Variants in SYNDIG1 observed in about 807,000 individuals in gnomAD.
SYNDIG1 encodes synapse differentiation inducing 1.
SYNDIG1 carries 9 observed loss-of-function variants against 19.4 expected under a neutral mutation model. The observed-to-expected ratio is 0.46, with a 90% CI of 0.28 to 0.81. The LOEUF (loss-of-function observed/expected upper bound fraction) is 0.81, where lower values mean the gene tolerates loss of function less well. Among genes scored for constraint, SYNDIG1 ranks in the 30% least tolerant of loss-of-function variants. The pLI, the probability that SYNDIG1 is intolerant of heterozygous loss-of-function variation, is 0.12. For missense variants in SYNDIG1, 311 were observed against 343.3 expected (o/e 0.91, Z 0.74); for synonymous variants, 141 against 145.9 (o/e 0.97, Z 0.24).
At position 24,568,052 on chromosome 20, in the gene SYNDIG1, A is replaced by G. The variant is rs949296320; in HGVS notation, c.481-16804A>G. Among the ~76,000 whole-genome samples the G allele has an allele frequency of 2.0e-5, 3 of 152,266 alleles. No individual in the cohort carries two copies. In the South Asian group the frequency reaches 6.2e-4, roughly 32 times the overall value. ...GCTACTTGGGAGGCTGAGGCAGGAG[A>G]ATCGCTTGAATCCGGGAGGCAGAGG... On this transcript the variant is annotated intron_variant, in intron 2 of 3. Coordinates refer to ENST00000376862, the MANE Select transcript of SYNDIG1 (RefSeq NM_024893.3).
intron 1 of SYNDIG1, among the ~76,000 whole-genome samples, chr20:24,541,074 A>C (rs2057458609): frequency 6.6e-6 from 1 of 152,188 alleles, no homozygotes; most frequent in Non-Finnish European, 1.5e-5. Context: ...AGACAGAAAA[A>C]ATCAGAGCTG....
intron 1 of SYNDIG1, among the ~76,000 whole-genome samples, chr20:24,509,761 G>C (rs927193946): frequency 1.3e-5 from 2 of 152,290 alleles, no homozygotes; most frequent in South Asian, 4.1e-4. Context: ...TCTCACAAAT[G>C]CTGAAATTAT....
intron 2 of SYNDIG1, among the ~76,000 whole-genome samples, chr20:24,566,762 T>C (rs1283864763): frequency 1.3e-5 from 2 of 152,166 alleles, no homozygotes; most frequent in East Asian, 3.9e-4. Context: ...CTCTCCCAAG[T>C]CCGTCAGGCT....
At chr20:24,554,378 G>A (rs2057768191) in intron 2 of SYNDIG1, among the ~76,000 whole-genome samples, 1 of 152,192 alleles carries the variant, frequency 6.6e-6, no homozygotes, top group South Asian at 2.1e-4. Flanking sequence ...TCACTGTCTT[G>A]TGCCAGTTTT....
chr20:24,512,906 C>T (rs779003664), intron 1 of SYNDIG1, among the ~76,000 whole-genome samples: 5 of 152,228 alleles, frequency 3.3e-5, no homozygotes, highest in East Asian at 1.9e-4. Flanking sequence ...CTCACATGGC[C>T]GGGTACCCCT....
chr20:24,589,202 C>T (rs138805862), intron 3 of SYNDIG1, among the ~76,000 whole-genome samples: 2 of 152,256 alleles, frequency 1.3e-5, no homozygotes, highest in African/African-American at 4.8e-5. Context: ...AGTTAATGCA[C>T]ACACTTTATC....
chr20:24,619,024 A>G (rs2058996048), intron 3 of SYNDIG1, among the ~76,000 whole-genome samples: 1 of 152,178 alleles, frequency 6.6e-6, no homozygotes, highest in Admixed American at 6.5e-5. Flanking sequence ...CTGCTCTTAT[A>G]TGAGAAGACT....
At chr20:24,616,609 T>C (rs1243266230) in intron 3 of SYNDIG1, among the ~76,000 whole-genome samples, 1 of 152,118 alleles carries the variant, frequency 6.6e-6, no homozygotes, top group Non-Finnish European at 1.5e-5. Context: ...CAGCAGCAGC[T>C]CCCAGGAGAA....
chr20:24,623,740 G>A (rs1348523248), intron 3 of SYNDIG1, among the ~76,000 whole-genome samples: 6 of 151,960 alleles, frequency 3.9e-5, no homozygotes, highest in Admixed American at 2.0e-4. Flanking sequence ...ATGAACCCTG[G>A]GCACTAAACT....
intron 3 of SYNDIG1, among the ~76,000 whole-genome samples, chr20:24,636,335 G>C (rs887428627): frequency 6.6e-6 from 1 of 152,210 alleles, no homozygotes; most frequent in African/African-American, 2.4e-5. Flanking sequence ...GTGTATTTAA[G>C]AGTGGAGGTT....
At chr20:24,563,375 A>T (rs1476055525) in intron 2 of SYNDIG1, among the ~76,000 whole-genome samples, 1 of 152,168 alleles carries the variant, frequency 6.6e-6, no homozygotes, top group Non-Finnish European at 1.5e-5. Flanking sequence ...GATTTGTCTT[A>T]TCTGAGTTCC....
intron 2 of SYNDIG1, among the ~76,000 whole-genome samples, chr20:24,582,809 C>T (rs1192320579): frequency 5.9e-5 from 9 of 152,236 alleles, no homozygotes; most frequent in Non-Finnish European, 7.3e-5. Context: ...ACAGAGGCTT[C>T]GCAGCCCCAG....
At chr20:24,557,428 T>G (rs1361778967) in intron 2 of SYNDIG1, among the ~76,000 whole-genome samples, 1 of 152,110 alleles carries the variant, frequency 6.6e-6, no homozygotes, top group Non-Finnish European at 1.5e-5. Context: ...TTTCCCATCT[T>G]TGTGGTTTTA....
chr20:24,655,874 A>C (rs1169112005), intron 3 of SYNDIG1, among the ~76,000 whole-genome samples: 1 of 152,226 alleles, frequency 6.6e-6, no homozygotes, highest in African/African-American at 2.4e-5. Context: ...AGAATGGACG[A>C]ATAGACTGCA....
chr20:24,550,051 G>A (rs545416770), intron 2 of SYNDIG1, among the ~76,000 whole-genome samples: 5 of 152,206 alleles, frequency 3.3e-5, no homozygotes, highest in East Asian at 1.9e-4. Flanking sequence ...GTAGGCATGC[G>A]GGCCAAAATA....
chr20:24,498,647 C>T lies in SYNDIG1; in HGVS notation c.-79+28894C>T, dbSNP rs554971299. 2.0e-5 allele frequency among the ~76,000 whole-genome samples: 3 copies of T among 152,292 alleles called. No homozygotes were observed. The South Asian group carries it at 6.2e-4, about 32-fold the overall frequency. On this transcript the variant is annotated intron_variant, in intron 1 of 3. Coordinates refer to ENST00000376862, the MANE Select transcript of SYNDIG1 (RefSeq NM_024893.3). ...GTGTTCCACTTAGCATAATGTCCTT[C>T]AGGATTCCTCATGTCATGTATGTAG... is the stretch of plus-strand genomic sequence containing the variant.
intron 2 of SYNDIG1, among the ~76,000 whole-genome samples, chr20:24,552,894 C>G (rs1341429212): frequency 6.6e-6 from 1 of 152,162 alleles, no homozygotes; most frequent in Non-Finnish European, 1.5e-5. Flanking sequence ...CACTGAAATC[C>G]ACAATGGTTG....
chr20:24,511,588 A>G (rs1244909836), intron 1 of SYNDIG1, among the ~76,000 whole-genome samples: 1 of 152,044 alleles, frequency 6.6e-6, no homozygotes, highest in African/African-American at 2.4e-5. Context: ...CCCCGCCACT[A>G]AACACATGCC....
chr20:24,640,066 G>A (rs1477390853), intron 3 of SYNDIG1, among the ~76,000 whole-genome samples: 1 of 152,120 alleles, frequency 6.6e-6, no homozygotes, highest in Admixed American at 6.5e-5. Context: ...AGGTGCAATG[G>A]CTCATGCCTG....
Sources: gnomAD v4.1 joint callset for allele counts (sites outside exome capture counted in the v4.1 genomes callset) on GRCh38, gnomAD v4.1.1 for gene constraint, MANE v1.5 for transcripts, NCBI Gene and HGNC (gene_info 2026-07-23, HGNC 2026-07-21) for gene names.